The following MDGA2 variants were observed in gnomAD, a reference collection of about 807,000 sequenced individuals.
MDGA2 encodes MAM domain-containing glycosylphosphatidylinositol anchor protein 2.
MDGA2 carries 40 observed loss-of-function variants against 117.8 expected under a neutral mutation model. That is an observed-to-expected ratio of 0.34 (90% confidence interval 0.26 to 0.44). The LOEUF is 0.44. Ranked by LOEUF, MDGA2 falls within the 20% of genes least tolerant of loss-of-function variation. The probability of loss-of-function intolerance (pLI) is 1.00; values close to 1 mark genes in which losing one functional copy is unlikely to be tolerated. For synonymous variants in MDGA2, 452 were observed against 439.0 expected, an observed-to-expected ratio of 1.03 and a Z score of -0.37; for missense variants, 1,123 against 1,250.6, an observed-to-expected ratio of 0.90 and a Z score of 1.54.
At chr14:47,671,613 T>C (rs1173232938) in intron 1 of MDGA2, among the ~76,000 whole-genome samples, 13 of 152,230 alleles carry the variant, frequency 8.5e-5, no homozygotes, top group Admixed American at 8.5e-4. Flanking sequence ...TATTACTTTG[T>C]GTGTAGTATG....
chr14:47,492,771 G>C (rs1427084460), intron 1 of MDGA2, among the ~76,000 whole-genome samples: 2 of 151,900 alleles, frequency 1.3e-5, no homozygotes, highest in Admixed American at 6.6e-5. Context: ...TTTTTTTACT[G>C]TCCCAAACCC....
At chr14:47,278,363 G>C (rs1888372938) in intron 2 of MDGA2, among the ~76,000 whole-genome samples, 1 of 150,352 alleles carries the variant, frequency 6.7e-6, no homozygotes, top group South Asian at 2.2e-4. Flanking sequence ...ACAATGTATA[G>C]TGATCAGATC....
intron 1 of MDGA2, among the ~76,000 whole-genome samples, chr14:47,505,014 T>C (rs1894482083): frequency 6.6e-6 from 1 of 152,094 alleles, no homozygotes; most frequent in African/African-American, 2.4e-5. Flanking sequence ...TATTCAGCCA[T>C]GAAAAAGAAT....
intron 1 of MDGA2, among the ~76,000 whole-genome samples, chr14:47,674,311 G>GCCAGAGCC (rs1347718925): frequency 6.6e-6 from 1 of 152,226 alleles, no homozygotes; most frequent in Non-Finnish European, 1.5e-5. Flanking sequence ...CCAACTCCGA[G>GCCAGAGCC]CCAGAGCCCA....
At chr14:47,370,114 CAATA>C (rs1891313412) in intron 1 of MDGA2, among the ~76,000 whole-genome samples, 1 of 151,758 alleles carries the variant, frequency 6.6e-6, no homozygotes. Context: ...CAACATCATT[CAATA>C]AATAATGAAT....
At chr14:47,435,814 C>T (rs905168303) in intron 1 of MDGA2, among the ~76,000 whole-genome samples, 1 of 151,988 alleles carries the variant, frequency 6.6e-6, no homozygotes, top group African/African-American at 2.4e-5. Context: ...AAAAAGTGCC[C>T]CCTGGACTTT....
At chr14:47,101,147 G>T (rs1880300026) in intron 5 of MDGA2, among the ~76,000 whole-genome samples, 1 of 151,054 alleles carries the variant, frequency 6.6e-6, no homozygotes, top group Admixed American at 6.6e-5. Context: ...AAAGAAATTG[G>T]TCCTGGAGAG....
chr14:47,016,741 TTTA>T (rs1888097323), intron 8 of MDGA2, among the ~76,000 whole-genome samples: 1 of 151,936 alleles, frequency 6.6e-6, no homozygotes, highest in African/African-American at 2.4e-5. Flanking sequence ...TAAAGCAAAG[TTTA>T]TTATTTATTG....
rs536676356 is a variant in MDGA2, at chr14:47,139,833, T to C, written c.792+4245A>G. 2.6e-4 allele frequency among the ~76,000 whole-genome samples: 37 copies of C among 144,618 alleles called. No homozygotes were observed. The East Asian group carries it at 5.2e-3, about 20-fold the overall frequency. 94.9% of individuals were successfully genotyped at this position (144,618 alleles called of 152,430 possible). A position where few individuals can be genotyped will look rare whatever the true frequency, so the allele number is the denominator to read the frequency against. On this transcript the variant is annotated intron_variant, in intron 4 of 16. Coordinates refer to ENST00000399232, the MANE Select transcript of MDGA2 (RefSeq NM_001113498.3). ...ATATATACACACATATATATACACA[T>C]ATATATATACACACATATATATACA... is the stretch of plus-strand genomic sequence containing the variant.
intron 3 of MDGA2, among the ~76,000 whole-genome samples, chr14:47,212,554 T>A (rs1885924159): frequency 6.6e-6 from 1 of 152,148 alleles, no homozygotes; most frequent in African/African-American, 2.4e-5. Context: ...TATAAATGCT[T>A]TTGCCTTCAT....
At chr14:47,254,449 A>G (rs1232682691) in intron 2 of MDGA2, among the ~76,000 whole-genome samples, 2 of 152,192 alleles carry the variant, frequency 1.3e-5, no homozygotes, top group Admixed American at 1.3e-4. Flanking sequence ...TTGCTAAAGC[A>G]TAGCAAGAGT....
intron 10 of MDGA2, among the ~76,000 whole-genome samples, chr14:46,894,553 G>T (rs1263313861): frequency 6.6e-6 from 1 of 152,120 alleles, no homozygotes; most frequent in Non-Finnish European, 1.5e-5. Context: ...GATTTTGTGA[G>T]ACCTGACAGT....
At chr14:47,579,987 A>C (rs74046645) in intron 1 of MDGA2, among the ~76,000 whole-genome samples, 1 of 151,974 alleles carries the variant, frequency 6.6e-6, no homozygotes, top group Non-Finnish European at 1.5e-5. Context: ...AGAGGGAGGA[A>C]TTATTATTCT....
At chr14:46,971,545 G>A (rs986866234) in intron 8 of MDGA2, among the ~76,000 whole-genome samples, 1 of 152,024 alleles carries the variant, frequency 6.6e-6, no homozygotes, top group African/African-American at 2.4e-5. Flanking sequence ...GATATCAGAG[G>A]CTTGGAAGGT....
At chr14:47,591,953 T>G (rs1377276942) in intron 1 of MDGA2, among the ~76,000 whole-genome samples, 1 of 151,726 alleles carries the variant, frequency 6.6e-6, no homozygotes, top group African/African-American at 2.4e-5. Context: ...TAGAAAGAAA[T>G]AAAGTGTATT....
intron 1 of MDGA2, among the ~76,000 whole-genome samples, chr14:47,440,508 A>T (rs1165961965): frequency 6.6e-6 from 1 of 152,114 alleles, no homozygotes; most frequent in Non-Finnish European, 1.5e-5. Context: ...GTAATTGTTA[A>T]ACCTAGGATT....
At chr14:47,400,168 A>G (rs1038972314) in intron 1 of MDGA2, among the ~76,000 whole-genome samples, 3 of 152,144 alleles carry the variant, frequency 2.0e-5, no homozygotes, top group African/African-American at 7.2e-5. Flanking sequence ...ATATTCCTTT[A>G]CTATGATTTT....
chr14:47,428,262 A>G (rs1039356060), intron 1 of MDGA2, among the ~76,000 whole-genome samples: 3 of 152,144 alleles, frequency 2.0e-5, no homozygotes, highest in African/African-American at 7.2e-5. Flanking sequence ...TCATTCAGTC[A>G]TTCTCATATT....
chr14:47,357,843 C>T (rs572831544), intron 1 of MDGA2, among the ~76,000 whole-genome samples: 5 of 152,292 alleles, frequency 3.3e-5, no homozygotes, highest in South Asian at 4.2e-4. Context: ...AACTCAGTAG[C>T]GCAAGAGTTT....
Sources: gnomAD v4.1 joint callset for allele counts (sites outside exome capture counted in the v4.1 genomes callset) on GRCh38, gnomAD v4.1.1 for gene constraint, MANE v1.5 for transcripts, NCBI Gene and HGNC (gene_info 2026-07-23, HGNC 2026-07-21) for gene names.